PPP3R1: variants seen among roughly 807,000 people sequenced by gnomAD.
The protein encoded by PPP3R1 is calcineurin subunit B type 1.
Under a neutral mutation model 22.6 loss-of-function variants are expected in PPP3R1, and 5 were observed. The ratio of observed to expected loss-of-function variants is 0.22; its 90% CI spans 0.12 to 0.46. The LOEUF is 0.46. Among genes scored for constraint, PPP3R1 ranks in the 20% least tolerant of loss-of-function variants. PPP3R1 has a pLI of 0.99. For missense variants in PPP3R1, 61 were observed against 203.2 expected (o/e 0.30, Z 4.25); for synonymous variants, 56 against 65.2 (o/e 0.86, Z 0.68).
At chr2:68,187,361 TAC>T (rs1407861801) in intron 3 of PPP3R1, 47 bp from the exon 4 acceptor site, 1 of 1,487,726 alleles carries the variant, frequency 6.7e-7, no homozygotes, top group Non-Finnish European at 9.2e-7. Context: ...TCCAATTTTT[TAC>T]ACAAAAAACA....
chr2:68,235,819 T>G (rs2103800726), intron 1 of PPP3R1, among the ~76,000 whole-genome samples: 1 of 152,330 alleles, frequency 6.6e-6, no homozygotes, highest in South Asian at 2.1e-4. Context: ...ACCAGCAAGG[T>G]TTGAGGGTTC....
intron 1 of PPP3R1, among the ~76,000 whole-genome samples, chr2:68,251,583 A>G (rs1670355737): frequency 6.6e-6 from 1 of 152,318 alleles, no homozygotes; most frequent in African/African-American, 2.4e-5. Flanking sequence ...AGTGAGTGGC[A>G]GGGTTCCCTG....
At chr2:68,239,529 T>C (rs755672576) in intron 1 of PPP3R1, among the ~76,000 whole-genome samples, 1 of 152,162 alleles carries the variant, frequency 6.6e-6, no homozygotes, top group Non-Finnish European at 1.5e-5. Context: ...TTTGGTTACA[T>C]TTAGTTGAGT....
rs184512160 is a variant in PPP3R1, at chr2:68,182,543, C to T, written c.466-1533G>A. 3.0e-3 allele frequency among the ~76,000 whole-genome samples: 461 copies of T among 151,538 alleles called. 1 individual carries two copies. The highest frequency in any genetic ancestry group is 4.4e-3 in the Non-Finnish European group (299 of 67,878). On this transcript the variant is annotated intron_variant, in intron 5 of 5. Transcript: ENST00000234310. ...AAATTCAGCATTTTTCAGCCAGGTG[C>T]GGTGTCTCACGCCTGTAATCCCAGC...
intron 1 of PPP3R1, among the ~76,000 whole-genome samples, chr2:68,247,950 G>A (rs956979537): frequency 6.6e-6 from 1 of 151,996 alleles, no homozygotes; most frequent in African/African-American, 2.4e-5. Context: ...CCATCAGAAT[G>A]GTCTCTTTAA....
intron 1 of PPP3R1, among the ~76,000 whole-genome samples, chr2:68,224,535 G>A (rs1279345753): frequency 1.3e-5 from 2 of 152,004 alleles, no homozygotes; most frequent in Non-Finnish European, 2.9e-5. Flanking sequence ...GTGGTGGCAG[G>A]CGCCTGCAAT....
intron 1 of PPP3R1, among the ~76,000 whole-genome samples, chr2:68,223,217 A>G (rs1463241542): frequency 6.6e-6 from 1 of 152,184 alleles, no homozygotes; most frequent in Non-Finnish European, 1.5e-5. Flanking sequence ...CAACATGTTG[A>G]AACCCATCTC....
intron 1 of PPP3R1, 128 bp from the exon 2 acceptor site, chr2:68,217,259 T>C: frequency 1.8e-6 from 1 of 543,768 alleles, no homozygotes; most frequent in South Asian, 3.3e-5. Context: ...ACCACATATA[T>C]AAATTACATT....
intron 1 of PPP3R1, among the ~76,000 whole-genome samples, chr2:68,229,271 C>T (rs563008532): frequency 6.6e-6 from 1 of 152,140 alleles, no homozygotes; most frequent in East Asian, 1.9e-4. Context: ...CTTAGCCACC[C>T]CAAGCATTTA....
intron 5 of PPP3R1, among the ~76,000 whole-genome samples, chr2:68,183,559 C>T (rs1341834740): frequency 1.3e-5 from 2 of 152,202 alleles, no homozygotes; most frequent in African/African-American, 4.8e-5. Flanking sequence ...CTTCTGGAAT[C>T]CTGGCATTCG....
At chr2:68,243,734 C>A (rs1339166037) in intron 1 of PPP3R1, among the ~76,000 whole-genome samples, 1 of 152,086 alleles carries the variant, frequency 6.6e-6, no homozygotes, top group African/African-American at 2.4e-5. Context: ...ATTTCTGACT[C>A]ATTGTTTACA....
chr2:68,185,997 G>A (rs775999321), intron 5 of PPP3R1, among the ~76,000 whole-genome samples: 11 of 152,176 alleles, frequency 7.2e-5, no homozygotes, highest in Non-Finnish European at 7.4e-5. Context: ...AAAGGAGGAA[G>A]AAAATCTTTC....
intron 2 of PPP3R1, 97 bp downstream of exon 2, chr2:68,216,995 C>A: frequency 3.5e-6 from 3 of 868,814 alleles, no homozygotes; most frequent in South Asian, 2.0e-5. Flanking sequence ...AGTAAATATA[C>A]ATTACAGAGG....
intron 5 of PPP3R1, among the ~76,000 whole-genome samples, chr2:68,182,795 G>A (rs1674442190): frequency 6.6e-6 from 1 of 150,604 alleles, no homozygotes; most frequent in East Asian, 1.9e-4. Context: ...ACAGAACTAT[G>A]TATTATGATT....
At chr2:68,226,362 T>C (rs1187616742) in intron 1 of PPP3R1, among the ~76,000 whole-genome samples, 2 of 152,212 alleles carry the variant, frequency 1.3e-5, no homozygotes, top group African/African-American at 4.8e-5. Context: ...ACTCAAAATA[T>C]TAAGGACCTT....
chr2:68,231,171 T>G (rs185929657), intron 1 of PPP3R1, among the ~76,000 whole-genome samples: 152 of 152,314 alleles, frequency 1.0e-3, no homozygotes, highest in African/African-American at 3.3e-3. Context: ...GCACATTTTT[T>G]TTTTCAGTCT....
At chr2:68,188,177 TTAAA>T (rs567919693) in intron 3 of PPP3R1, among the ~76,000 whole-genome samples, 3 of 151,808 alleles carry the variant, frequency 2.0e-5, no homozygotes, top group Non-Finnish European at 2.9e-5. Context: ...CTCAAAAAAA[TTAAA>T]TAAATAAATA....
chr2:68,207,817 A>C (rs1012485016), intron 2 of PPP3R1, among the ~76,000 whole-genome samples: 2 of 152,218 alleles, frequency 1.3e-5, no homozygotes, highest in Non-Finnish European at 2.9e-5. Context: ...TGGTAAACAG[A>C]AGCTCAATTT....
intron 2 of PPP3R1, among the ~76,000 whole-genome samples, chr2:68,196,874 G>A (rs757389517): frequency 2.6e-5 from 4 of 151,966 alleles, no homozygotes; most frequent in African/African-American, 4.8e-5. Flanking sequence ...ACAGGCGTGC[G>A]CCACCACGCC....
Sources: allele counts gnomAD v4.1 joint callset (sites outside exome capture counted in the v4.1 genomes callset), GRCh38; gene constraint gnomAD v4.1.1; transcripts MANE v1.5; gene names NCBI Gene and HGNC (gene_info 2026-07-23, HGNC 2026-07-21).